TNIP1: variants seen among roughly 807,000 people sequenced by gnomAD.
TNIP1 encodes TNFAIP3-interacting protein 1.
Under a neutral mutation model 86.6 loss-of-function variants are expected in TNIP1, and 22 were observed. The ratio of observed to expected loss-of-function variants is 0.25; its 90% CI spans 0.18 to 0.36. The LOEUF (loss-of-function observed/expected upper bound fraction) is 0.36, where lower values mean the gene tolerates loss of function less well. TNIP1 is among the 10% of genes least tolerant of loss of function. The probability of loss-of-function intolerance (pLI) is 1.00; values close to 1 mark genes in which losing one functional copy is unlikely to be tolerated. For synonymous variants in TNIP1, 294 were observed against 313.0 expected, an observed-to-expected ratio of 0.94 and a Z score of 0.64; for missense variants, 709 against 820.6, an observed-to-expected ratio of 0.86 and a Z score of 1.66.
chr5:151,052,706 C>A (rs1002093576), intron 6 of TNIP1, among the ~76,000 whole-genome samples: 12 of 152,212 alleles, frequency 7.9e-5, no homozygotes, highest in Non-Finnish European at 2.9e-5. Context: ...CCCGCTTTTA[C>A]GCTTCTCAGC....
chr5:151,037,260 C>T (rs912010372), intron 12 of TNIP1: 1 of 168,846 alleles, frequency 5.9e-6, no homozygotes, highest in South Asian at 1.4e-4. Context: ...CATGCTCCTA[C>T]CCAGCAGGCT....
In TNIP1 at chr5:151,032,323, C is replaced by G; in HGVS notation, c.1840G>C (p.Val614Leu). ...GVRNPNQSSQ[V>L]MDPPTARPTE... Reference sequence around the variant, plus strand: ...GGCCTGGCTGTGGGAGGGTCCATCACTTGGGAGCTCTGATTTGGATTTCGA... The same window carrying G: ...GGCCTGGCTGTGGGAGGGTCCATCAGTTGGGAGCTCTGATTTGGATTTCGA... Residue 614 changes from valine to leucine, a missense_variant, in exon 17 of 18, where the codon GTG (valine) becomes CTG (leucine). Physicochemically the swap from Val to Leu is conservative, Grantham distance 32 (BLOSUM62 1). Transcript: ENST00000521591. The G allele has an allele frequency of 4.3e-6, 7 of 1,614,086 alleles. No individual in the cohort carries two copies. Among genetic ancestry groups the G allele is most frequent in the Non-Finnish European group, 5.9e-6 (7 of 1,179,982 alleles).
intron 9 of TNIP1, among the ~76,000 whole-genome samples, chr5:151,044,481 T>C (rs150205348): frequency 1.4e-4 from 22 of 152,308 alleles, no homozygotes; most frequent in African/African-American, 5.1e-4. Context: ...TGTAATCAGT[T>C]GTGGTTTTCT....
At chr5:151,066,650 T>A (rs1246230797) in intron 1 of TNIP1, among the ~76,000 whole-genome samples, 1 of 152,216 alleles carries the variant, frequency 6.6e-6, no homozygotes, top group African/African-American at 2.4e-5. Context: ...AGATATACAA[T>A]CTTGGAGGAG....
chr5:151,037,129 G>C (rs1283304882), intron 12 of TNIP1: 1 of 528,586 alleles, frequency 1.9e-6, no homozygotes, highest in African/African-American at 2.0e-5. Flanking sequence ...ATGAAGAAAA[G>C]ACTATGATCA....
chr5:151,039,366 G>T, intron 11 of TNIP1, 141 bp from the exon 12 acceptor site: 1 of 807,190 alleles, frequency 1.2e-6, no homozygotes, highest in Non-Finnish European at 1.8e-6. Context: ...CCTGGGGTCG[G>T]TACAGTAATG....
intron 13 of TNIP1, 47 bp downstream of exon 13, chr5:151,036,743 A>T (rs1414757985): frequency 6.2e-7 from 1 of 1,612,800 alleles, no homozygotes; most frequent in African/African-American, 1.3e-5. Context: ...GGAAAGCTCC[A>T]GCTCCCACAG....
chr5:151,064,921 G>A (rs752242644), intron 2 of TNIP1, 39 bp downstream of exon 2: 37 of 1,612,892 alleles, frequency 2.3e-5, no homozygotes, highest in Middle Eastern at 1.6e-4. Flanking sequence ...CAGTCTGCAG[G>A]GAGGGGCGCT....
rs766805475 is a variant in TNIP1, at chr5:151,032,290, G to A, written c.1873C>T (p.Pro625Ser). 3.7e-6 allele frequency: 6 copies of A among 1,613,512 alleles called. No individual in the cohort carries two copies. The South Asian group carries it at 6.6e-5, about 18-fold the overall frequency. Residue 625 changes from proline to serine, a missense_variant, in exon 17 of 18, where the codon CCA becomes TCA. Physicochemically the swap from Pro to Ser is moderately conservative, Grantham distance 74. Transcript: ENST00000521591. ...AGACTCAGTATTAGGGGCTCACCTG[G>A]TTCTGTAGGCCTGGCTGTGGGAGGG... ...MDPPTARPTE[P>S]ESPKNDREGP...
intron 11 of TNIP1, 133 bp from the exon 12 acceptor site, chr5:151,039,358 T>A: frequency 1.0e-6 from 1 of 974,362 alleles, no homozygotes; most frequent in Non-Finnish European, 1.5e-6. Flanking sequence ...GCAAAGCACC[T>A]GGGGTCGGTA....
chr5:151,030,818 G>T, intron 17 of TNIP1, 71 bp from the exon 18 acceptor site: 1 of 1,303,372 alleles, frequency 7.7e-7, no homozygotes, highest in Non-Finnish European at 1.1e-6. Context: ...CTTATGGAAT[G>T]CAGTGCAGGA....
intron 11 of TNIP1, among the ~76,000 whole-genome samples, chr5:151,042,208 T>C (rs1431511809): frequency 1.3e-5 from 2 of 152,076 alleles, no homozygotes; most frequent in Non-Finnish European, 2.9e-5. Flanking sequence ...CCCCAGTTGC[T>C]AGGATTGTGA....
At chr5:151,063,513 G>A (rs552196923) in intron 3 of TNIP1, 100 bp downstream of exon 3, 128 of 1,513,072 alleles carry the variant, frequency 8.5e-5, no homozygotes, top group African/African-American at 1.4e-4. Flanking sequence ...AAGGATAAAC[G>A]AGAGAATGTG....
At chr5:151,059,495 G>A (rs1156895963) in intron 5 of TNIP1, among the ~76,000 whole-genome samples, 1 of 152,196 alleles carries the variant, frequency 6.6e-6, no homozygotes. Flanking sequence ...CCAAACCTTT[G>A]TGAAGGGAGG....
chr5:151,074,891 C>T (rs1020361131), intron 1 of TNIP1, among the ~76,000 whole-genome samples: 6 of 152,208 alleles, frequency 3.9e-5, no homozygotes, highest in Non-Finnish European at 8.8e-5. Flanking sequence ...CATCCTCCCA[C>T]CTTAGCCTCT....
upstream of TNIP1, among the ~76,000 whole-genome samples, chr5:151,085,741 G>A (rs1406690896): frequency 2.0e-5 from 3 of 152,208 alleles, no homozygotes; most frequent in East Asian, 5.8e-4. Flanking sequence ...CTGGATCTGG[G>A]CTTGCATCCA....
At chr5:151,059,624 C>T (rs1276936254) in intron 5 of TNIP1, among the ~76,000 whole-genome samples, 2 of 152,042 alleles carry the variant, frequency 1.3e-5, no homozygotes, top group East Asian at 1.9e-4. Flanking sequence ...AAATTTAAGT[C>T]GTTTAAAGAA....
chr5:151,054,984 T>C (rs1760459477), intron 6 of TNIP1, among the ~76,000 whole-genome samples: 1 of 152,198 alleles, frequency 6.6e-6, no homozygotes, highest in South Asian at 2.1e-4. Context: ...GCTGTTTCCT[T>C]GGAGTCTCTG....
rs150918526 is a variant in TNIP1, at chr5:151,076,453, T to C, written c.-37+4427A>G. On this transcript the variant is annotated intron_variant, in intron 1 of 17. Coordinates refer to ENST00000521591, the MANE Select transcript of TNIP1 (RefSeq NM_006058.5). The stretch of plus-strand genomic sequence containing the variant: ...AGGGTGACCCAATCATTGGTTGTTA[T>C]AGAGTTTTTAAGACTTGGAAGAGAA... Among the ~76,000 whole-genome samples, 1,381 of 152,118 alleles carry C rather than the reference T, an allele frequency of 9.1e-3. 18 individuals carry two copies. Among genetic ancestry groups the C allele is most frequent in the Non-Finnish European group, 0.013 (885 of 68,016 alleles).
Sources: gnomAD v4.1 joint callset for allele counts (sites outside exome capture counted in the v4.1 genomes callset) on GRCh38, gnomAD v4.1.1 for gene constraint, MANE v1.5 for transcripts, NCBI Gene and HGNC (gene_info 2026-07-23, HGNC 2026-07-21) for gene names.